STK33: variants seen among roughly 807,000 people sequenced by gnomAD.
STK33 encodes the protein serine/threonine-protein kinase 33.
Under a neutral mutation model 58.0 loss-of-function variants are expected in STK33, and 52 were observed. The ratio of observed to expected loss-of-function variants is 0.90; its 90% CI spans 0.72 to 1.13. The LOEUF is 1.13. Among genes scored for constraint, STK33 ranks in the 50% most tolerant of loss-of-function variants. STK33 has a pLI of 0.00. For missense variants in STK33, 630 were observed against 604.2 expected (o/e 1.04, Z -0.45); for synonymous variants, 215 against 200.1 (o/e 1.07, Z -0.63).
At chr11:8,420,152 A>T (rs1329717401) in intron 14 of STK33, among the ~76,000 whole-genome samples, 1 of 152,108 alleles carries the variant, frequency 6.6e-6, no homozygotes, top group African/African-American at 2.4e-5. Context: ...ATCAATGTAA[A>T]TTATAGTAAG....
chr11:8,561,256 T>C (rs944998691), intron 1 of STK33, among the ~76,000 whole-genome samples: 2 of 152,164 alleles, frequency 1.3e-5, no homozygotes, highest in African/African-American at 4.8e-5. Context: ...TTTGAGAATA[T>C]TGGTTGTTAT....
chr11:8,558,760 T>C (rs1423822986), intron 1 of STK33, among the ~76,000 whole-genome samples: 1 of 152,224 alleles, frequency 6.6e-6, no homozygotes, highest in Non-Finnish European at 1.5e-5. Context: ...CTGGTGTTTC[T>C]TGCTGACAAA....
the STK33 span, among the ~76,000 whole-genome samples, chr11:8,349,049 T>G: frequency 6.6e-6 from 1 of 152,180 alleles, no homozygotes; most frequent in Admixed American, 6.5e-5. Flanking sequence ...GAGCACCCTT[T>G]CTCTGCAGAG....
the STK33 span, among the ~76,000 whole-genome samples, chr11:8,373,433 G>A: frequency 6.6e-6 from 1 of 152,166 alleles, no homozygotes; most frequent in Non-Finnish European, 1.5e-5. Context: ...GGAGCCCTGG[G>A]TTAAAGGCAG....
At chr11:8,343,223 CAGT>C in the STK33 span, among the ~76,000 whole-genome samples, 1 of 152,262 alleles carries the variant, frequency 6.6e-6, no homozygotes, top group South Asian at 2.1e-4. Flanking sequence ...ACTCTGGCAG[CAGT>C]GTGTGCTGTG....
chr11:8,398,381 A>C (rs1240557449), intron 15 of STK33, among the ~76,000 whole-genome samples: 2 of 152,200 alleles, frequency 1.3e-5, no homozygotes, highest in Non-Finnish European at 2.9e-5. Flanking sequence ...AGTGAAAGAG[A>C]AATAAAATCC....
the STK33 span, among the ~76,000 whole-genome samples, chr11:8,371,296 G>A: frequency 6.6e-6 from 1 of 152,128 alleles, no homozygotes; most frequent in African/African-American, 2.4e-5. Context: ...ACCACCCAGA[G>A]AGACAGCAAG....
At chr11:8,406,386 T>G (rs960193932) in intron 15 of STK33, among the ~76,000 whole-genome samples, 4 of 152,214 alleles carry the variant, frequency 2.6e-5, no homozygotes, top group Non-Finnish European at 5.9e-5. Flanking sequence ...TAGAATCATC[T>G]TGTCAATTTA....
downstream of STK33, among the ~76,000 whole-genome samples, chr11:8,387,826 A>G (rs1848565773): frequency 9.4e-6 from 1 of 105,988 alleles, no homozygotes; most frequent in Non-Finnish European, 1.7e-5. Context: ...GTCACATGGG[A>G]ATGCTGACTC....
chr11:8,384,567 C>T, the STK33 span, among the ~76,000 whole-genome samples: 1 of 152,176 alleles, frequency 6.6e-6, no homozygotes, highest in Non-Finnish European at 1.5e-5. Context: ...GCCTGTACAC[C>T]TGGTCCTCCT....
At chr11:8,379,550 A>G in the STK33 span, among the ~76,000 whole-genome samples, 157 of 152,366 alleles carry the variant, frequency 1.0e-3, no homozygotes, top group Admixed American at 3.5e-3. Context: ...AATGCTCAAC[A>G]TCACTAATCA....
intron 1 of STK33, among the ~76,000 whole-genome samples, chr11:8,488,627 G>T (rs1950352839): frequency 6.6e-6 from 1 of 151,968 alleles, no homozygotes; most frequent in African/African-American, 2.4e-5. Flanking sequence ...AGATAAACAA[G>T]TAGACACTTC....
At chr11:8,485,522 T>C (rs1165795885) in intron 1 of STK33, among the ~76,000 whole-genome samples, 1 of 152,216 alleles carries the variant, frequency 6.6e-6, no homozygotes, top group Non-Finnish European at 1.5e-5. Flanking sequence ...TATTGGTTGC[T>C]TTATTGTGAA....
At chr11:8,533,431 T>C (rs184396572) in intron 1 of STK33, 15 of 152,260 alleles carry the variant, frequency 9.9e-5, no homozygotes, top group African/African-American at 3.6e-4. Flanking sequence ...AAGCCAGAAG[T>C]GAGCAGCAGA....
chr11:8,397,090 T>C (rs113373602), intron 15 of STK33, among the ~76,000 whole-genome samples: 62,906 of 151,942 alleles, frequency 0.41, 13,571 homozygotes, highest in East Asian at 0.61. Flanking sequence ...TAAATGTCCC[T>C]GTCTGACAGC....
At chr11:8,551,735 G>T (rs114052233) in intron 1 of STK33, among the ~76,000 whole-genome samples, 1 of 152,086 alleles carries the variant, frequency 6.6e-6, no homozygotes, top group Non-Finnish European at 1.5e-5. Context: ...GAACTATATT[G>T]CTGTCCCGTT....
chr11:8,424,288 T>C lies in STK33; in HGVS notation c.1147-10596A>G, dbSNP rs1343779763. On this transcript the variant is annotated intron_variant, in intron 14 of 15. Coordinates refer to ENST00000687296, the MANE Select transcript of STK33 (RefSeq NM_001352389.2). ...TTTGCTGAGAATGATGGTTTCCAGC[T>C]TCATCCATGTCCCTACAAAGGACAT... Among the ~76,000 whole-genome samples the C allele has an allele frequency of 3.3e-5, 5 of 149,866 alleles. No homozygotes were observed. The South Asian group carries it at 8.8e-4, about 26-fold the overall frequency.
At chr11:8,434,337 T>C (rs1367792033) in intron 14 of STK33, 1 of 156,024 alleles carries the variant, frequency 6.4e-6, no homozygotes, top group East Asian at 1.9e-4. Flanking sequence ...TAACACAGTG[T>C]ATAGCAAATA....
At chr11:8,424,164 G>T (rs950438909) in intron 14 of STK33, among the ~76,000 whole-genome samples, 48 of 125,780 alleles carry the variant, frequency 3.8e-4, no homozygotes, top group African/African-American at 1.5e-3. Context: ...ACAGGCCCCG[G>T]TGTGTGATGT....
Sources: gnomAD v4.1 joint callset for allele counts (sites outside exome capture counted in the v4.1 genomes callset) on GRCh38, gnomAD v4.1.1 for gene constraint, MANE v1.5 for transcripts, NCBI Gene and HGNC (gene_info 2026-07-23, HGNC 2026-07-21) for gene names.